Variants in MCF2 observed in about 807,000 individuals in gnomAD.
MCF2 encodes the protein proto-oncogene DBL.
Under a neutral mutation model 82.5 loss-of-function variants are expected in MCF2, and 44 were observed. The observed-to-expected ratio is 0.53, with a 90% confidence interval of 0.42 to 0.69. The LOEUF (loss-of-function observed/expected upper bound fraction) is 0.69, where lower values mean the gene tolerates loss of function less well. Among genes scored for constraint, MCF2 ranks in the 30% least tolerant of loss-of-function variants. The probability of loss-of-function intolerance (pLI) is 0.00; values close to 1 mark genes in which losing one functional copy is unlikely to be tolerated. For missense variants in MCF2, 623 were observed against 663.1 expected (o/e 0.94, Z 0.66); for synonymous variants, 217 against 224.9 (o/e 0.96, Z 0.32).
chrX:139,598,450 G>A (rs1930278474), exon 17 of MCF2: 1 of 1,166,094 alleles, frequency 8.6e-7, no homozygotes, highest in East Asian at 3.1e-5. Context: ...ACTGGTTTGA[G>A]TAAATAGGAA....
chrX:139,593,372 T>A (rs1313541034), intron 19 of MCF2, among the ~76,000 whole-genome samples: 1 of 111,065 alleles, frequency 9.0e-6, no homozygotes, highest in Non-Finnish European at 1.9e-5. Flanking sequence ...AATAACAGGC[T>A]CTGAAATTGG....
At chrX:139,706,082 G>A (rs1387854373) in intron 1 of MCF2, among the ~76,000 whole-genome samples, 2 of 112,595 alleles carry the variant, frequency 1.8e-5, no homozygotes, top group Non-Finnish European at 3.7e-5. Context: ...TGGCTGGCAA[G>A]GCAGCAGAGA....
At chrX:139,670,481 G>A (rs1934651794) in intron 1 of MCF2, among the ~76,000 whole-genome samples, 1 of 109,480 alleles carries the variant, frequency 9.1e-6, no homozygotes. Context: ...CCCCACCACA[G>A]GCCCCGGGGT....
chrX:139,672,048 T>C (rs1934714635), intron 1 of MCF2, among the ~76,000 whole-genome samples: 1 of 111,856 alleles, frequency 8.9e-6, no homozygotes, highest in South Asian at 3.7e-4. Flanking sequence ...TAAGTTGGAT[T>C]CCTAGGTATT....
At chrX:139,696,276 CCCTCCCTT>C (rs1935377223) in intron 1 of MCF2, among the ~76,000 whole-genome samples, 1 of 100,092 alleles carries the variant, frequency 1.0e-5, no homozygotes, top group South Asian at 5.9e-4. Flanking sequence ...TTCCCTCCCT[CCCTCCCTT>C]CCTTCCTTCC....
At chrX:139,674,277 T>C (rs1934797402) in intron 1 of MCF2, among the ~76,000 whole-genome samples, 1 of 111,987 alleles carries the variant, frequency 8.9e-6, no homozygotes, top group Non-Finnish European at 1.9e-5. Context: ...CTTTATCCAA[T>C]TTGCCTGTCT....
upstream of MCF2, among the ~76,000 whole-genome samples, chrX:139,645,371 CTCAT>C (rs1210586416): frequency 9.0e-6 from 1 of 111,172 alleles, no homozygotes; most frequent in Non-Finnish European, 1.9e-5. Flanking sequence ...AAACTACTCA[CTCAT>C]TCTTACTAGG....
chrX:139,619,756 A>G (rs1932197253), intron 6 of MCF2, 50 bp from the exon 10 acceptor site: 5 of 985,769 alleles, frequency 5.1e-6, no homozygotes, highest in Non-Finnish European at 6.8e-6. Context: ...TTATCCCCTT[A>G]TGATCAAGTT....
At position 139,632,454 on chromosome X, in the gene MCF2, C is replaced by A. The variant is rs759460638; in HGVS notation, c.52G>T (p.Ala18Ser). 8.4e-7 allele frequency: 1 copy of A among 1,194,166 alleles called. No homozygotes were observed. Among genetic ancestry groups the A allele is most frequent in the Non-Finnish European group, 1.1e-6 (1 of 887,334 alleles). ...AAGTGCAAGTTCCCAGGGAAGGAAG[C>A]CTGTAGAAAGAAAGAACAAAAGAAA... Residue 18 changes from alanine to serine, a missense_variant and splice_region_variant, in exon 2 of 25, where the codon GCT (alanine) becomes TCT (serine). Ala to Ser is a moderately conservative substitution (Grantham distance 99). Transcript: ENST00000370576.
intron 5 of MCF2, 71 bp downstream of exon 8, chrX:139,626,552 G>T: frequency 9.8e-7 from 1 of 1,019,941 alleles, no homozygotes; most frequent in Non-Finnish European, 1.4e-6. Flanking sequence ...TTAACATATT[G>T]CAGCAAAAAT....
chrX:139,594,262 C>A (rs1265829724), intron 19 of MCF2, among the ~76,000 whole-genome samples: 1 of 110,236 alleles, frequency 9.1e-6, no homozygotes, highest in Non-Finnish European at 1.9e-5. Context: ...GAGCCCGCAC[C>A]GCCAAGTCAA....
intron 1 of MCF2, among the ~76,000 whole-genome samples, chrX:139,689,154 TC>T (rs1298370077): frequency 1.8e-5 from 2 of 112,098 alleles, no homozygotes; most frequent in African/African-American, 6.5e-5. Context: ...GAAGTGACAG[TC>T]CATGCCTCTA....
intron 1 of MCF2, among the ~76,000 whole-genome samples, chrX:139,656,720 G>A (rs1408686088): frequency 8.9e-6 from 1 of 112,130 alleles, no homozygotes; most frequent in Non-Finnish European, 1.9e-5. Flanking sequence ...GTGACACTGA[G>A]TTACACCCAG....
chrX:139,610,917 A>T (rs947818149), intron 10 of MCF2, among the ~76,000 whole-genome samples: 1 of 112,130 alleles, frequency 8.9e-6, no homozygotes, highest in Non-Finnish European at 1.9e-5. Context: ...AATTCATATA[A>T]TCTACTCTCA....
chrX:139,591,780 C>A (rs1457142055), intron 19 of MCF2, among the ~76,000 whole-genome samples: 3 of 109,721 alleles, frequency 2.7e-5, no homozygotes, highest in African/African-American at 1.0e-4. Context: ...AAAACTAACT[C>A]TTGGGGACAA....
At chrX:139,681,555 C>T (rs760036890) in intron 1 of MCF2, among the ~76,000 whole-genome samples, 2 of 112,203 alleles carry the variant, frequency 1.8e-5, no homozygotes, top group Non-Finnish European at 3.8e-5. Context: ...TTTCCTCTTG[C>T]ATTATTTTAT....
intron 1 of MCF2, 97 bp from the exon 2 acceptor site, chrX:139,651,885 T>C (rs1934032381): frequency 1.5e-5 from 8 of 520,401 alleles, no homozygotes; most frequent in Non-Finnish European, 2.6e-5. Flanking sequence ...AAAATTATTC[T>C]GGGAGCCCCA....
rs1454384760 is a variant in MCF2 at position 139,653,123 on chromosome X, T to A, written c.-44-1335A>T. On this transcript the variant is annotated intron_variant, in intron 1 of 27. Transcript: ENST00000414978. ...AGGCATGCACATTTACACTCGCAGT[T>A]ATTCTTTCCATGCTAGATGTTTAAT... Among the ~76,000 whole-genome samples, 3 of 112,153 alleles carry A rather than the reference T, an allele frequency of 2.7e-5. No individual in the cohort carries two copies. In the East Asian group the frequency reaches 8.4e-4, roughly 31 times the overall value.
chrX:139,607,704 C>G, exon 12 of MCF2: 1 of 1,194,270 alleles, frequency 8.4e-7, no homozygotes, highest in Non-Finnish European at 1.1e-6. Context: ...TTTAAAACAT[C>G]CAAGCTATTG....
Sources: allele counts gnomAD v4.1 joint callset (sites outside exome capture counted in the v4.1 genomes callset), GRCh38; gene constraint gnomAD v4.1.1; transcripts MANE v1.5; gene names NCBI Gene and HGNC (gene_info 2026-07-23, HGNC 2026-07-21).